Variants in KIF13A observed in about 807,000 individuals in gnomAD.
KIF13A encodes kinesin family member 13A.
In KIF13A, 79 loss-of-function variants were observed where a neutral mutation model predicts 212.2. That is an observed-to-expected ratio of 0.37 (90% CI 0.31 to 0.45). The LOEUF (loss-of-function observed/expected upper bound fraction) is 0.45. Ranked by LOEUF, KIF13A falls within the 20% of genes least tolerant of loss-of-function variation. KIF13A has a pLI of 1.00. For missense variants in KIF13A, 1,901 were observed against 2,209.0 expected, an observed-to-expected ratio of 0.86 and a Z score of 2.79; for synonymous variants, 789 against 808.6, an observed-to-expected ratio of 0.98 and a Z score of 0.41.
intron 34 of KIF13A, among the ~76,000 whole-genome samples, chr6:17,775,439 T>G (rs1041006640): frequency 6.6e-6 from 1 of 152,208 alleles, no homozygotes; most frequent in Non-Finnish European, 1.5e-5. Flanking sequence ...AGAGTATATA[T>G]CTAAGGGATG....
chr6:17,772,362 T>C lies in KIF13A; in HGVS notation c.4325-303A>G, dbSNP rs1018959605. 3.9e-5 allele frequency among the ~76,000 whole-genome samples: 6 copies of C among 152,016 alleles called. No homozygotes were observed. The highest frequency in any genetic ancestry group is 1.2e-4 in the African/African-American group (5 of 41,378). ...GGGTTGAGGCTGCAGTGAGTTATAA[T>C]GGTGCCACTGCACTCCAGCCCGGGC... On this transcript the variant is annotated intron_variant, in intron 36 of 38. Coordinates refer to ENST00000259711, the MANE Select transcript of KIF13A (RefSeq NM_022113.6). This position sits in a 1 kb window ranked among gnomAD's most constrained non-coding sequence, Gnocchi z 4.8.
chr6:17,907,952 C>T (rs2150498862), intron 2 of KIF13A, among the ~76,000 whole-genome samples: 1 of 152,258 alleles, frequency 6.6e-6, no homozygotes, highest in South Asian at 2.1e-4. Context: ...ATGTAAGAGG[C>T]CACACCATCT....
chr6:17,987,369 C>A lies in KIF13A; in HGVS notation c.55+40G>T. The A allele has an allele frequency of 7.6e-7, 1 of 1,311,476 alleles. No individual in the cohort carries two copies. The highest frequency in any genetic ancestry group is 2.5e-5 in the Admixed American group (1 of 40,518). The allele number at this position is 1,311,476 out of a possible 1,614,324, so 81.2% of individuals were successfully genotyped here. The stretch of plus-strand genomic sequence containing the variant: ...CAGTTTCTAAAGTTGCCCCCGCCCT[C>A]AGCCCGAGCAGAAATAAAAAAGAGC... On this transcript the variant is annotated intron_variant, in intron 1 of 38. Coordinates refer to ENST00000259711, the MANE Select transcript of KIF13A (RefSeq NM_022113.6). This position sits in a 1 kb window ranked among gnomAD's most constrained non-coding sequence, Gnocchi z 7.7.
At position 17,789,975 on chromosome 6, in the gene KIF13A, A is replaced by G; in HGVS notation, c.3223-65T>C. On this transcript the variant is annotated intron_variant, in intron 25 of 38. Transcript: ENST00000259711. This position sits in a 1 kb window ranked among gnomAD's most constrained non-coding sequence, Gnocchi z 4.8. ...TTTTCAAACCACATACAGGGAAAAT[A>G]ATTATTTAAGCTTAACACACATTAA... 1 of 1,294,270 alleles carries G rather than the reference A, an allele frequency of 7.7e-7. No individual in the cohort carries two copies. Among genetic ancestry groups the G allele is most frequent in the Non-Finnish European group, 1.1e-6 (1 of 896,426 alleles). The allele number at this position is 1,294,270 out of a possible 1,614,324, so 80.2% of individuals were successfully genotyped here.
At chr6:17,958,697 A>G (rs1311133467) in intron 2 of KIF13A, among the ~76,000 whole-genome samples, 1 of 152,092 alleles carries the variant, frequency 6.6e-6, no homozygotes, top group East Asian at 1.9e-4. Context: ...ACAATGTGAT[A>G]TTTCAATTAT....
rs1421733461 is a variant in KIF13A, at chr6:17,787,595, G to A, written c.3361+181C>T. ...GAGGCCAGGAGTTAGAGGCTGCAGT[G>A]AGATATGATCCTGCCACTGCACTCC... On this transcript the variant is annotated intron_variant, in intron 27 of 38. Transcript: ENST00000259711. This position sits in a 1 kb window ranked among gnomAD's most constrained non-coding sequence, Gnocchi z 4.6. Among the ~76,000 whole-genome samples the A allele has an allele frequency of 6.6e-6, 1 of 152,158 alleles. No homozygotes were observed. Among genetic ancestry groups the A allele is most frequent in the African/African-American group, 2.4e-5 (1 of 41,428 alleles).
chr6:17,975,412 T>C (rs1404214113), intron 2 of KIF13A, among the ~76,000 whole-genome samples: 1 of 152,126 alleles, frequency 6.6e-6, no homozygotes, highest in East Asian at 1.9e-4. Flanking sequence ...TGGAGTTTTT[T>C]CCTTTTGGTG....
chr6:17,855,897 A>G lies in KIF13A; in HGVS notation c.313+133T>C. 1.5e-6 allele frequency: 1 copy of G among 669,936 alleles called. No individual in the cohort carries two copies. 41.5% of individuals were successfully genotyped at this position (669,936 alleles called of 1,614,324 possible). On this transcript the variant is annotated intron_variant, in intron 5 of 38. Transcript: ENST00000259711. This position sits in a 1 kb window ranked among gnomAD's most constrained non-coding sequence, Gnocchi z 4.1. ...GGGCTAATGTTTTTAGTTTTTATAA[A>G]GACGGGTCTTACTATGTTGCCCAGG...
chr6:17,876,431 T>A lies in KIF13A; in HGVS notation c.160-2994A>T, dbSNP rs183878772. On this transcript the variant is annotated intron_variant, in intron 3 of 38. Coordinates refer to ENST00000259711, the MANE Select transcript of KIF13A (RefSeq NM_022113.6). Reference sequence around the variant, plus strand: ...CTTGTTCTCTCCTTCATTTCCACCCTTCAAAATACGTCATACCCCTTAAGG... The same window carrying A: ...CTTGTTCTCTCCTTCATTTCCACCCATCAAAATACGTCATACCCCTTAAGG... 2.6e-4 allele frequency among the ~76,000 whole-genome samples: 40 copies of A among 152,282 alleles called. No individual in the cohort carries two copies. In the South Asian group the frequency reaches 5.4e-3, roughly 21 times the overall value.
intron 3 of KIF13A, among the ~76,000 whole-genome samples, chr6:17,879,523 G>A (rs779903232): frequency 5.3e-5 from 8 of 152,028 alleles, no homozygotes; most frequent in Non-Finnish European, 1.0e-4. Flanking sequence ...ATAAGGATTC[G>A]GTCACTAGAT....
intron 9 of KIF13A, among the ~76,000 whole-genome samples, chr6:17,841,154 C>T (rs1766467143): frequency 6.6e-6 from 1 of 151,522 alleles, no homozygotes; most frequent in African/African-American, 2.4e-5. Flanking sequence ...CTCGCTGCAG[C>T]CTCAACCTCC....
rs1759973131 is a variant in KIF13A, at chr6:17,776,275, A to AT, written c.4170+1001dup. Among the ~76,000 whole-genome samples the AT allele has an allele frequency of 6.6e-6, 1 of 151,816 alleles. No individual in the cohort carries two copies. The highest frequency in any genetic ancestry group is 6.6e-5 in the Admixed American group (1 of 15,230). On this transcript the variant is annotated intron_variant, in intron 34 of 38. Transcript: ENST00000259711. This position sits in a 1 kb window ranked among gnomAD's most constrained non-coding sequence, Gnocchi z 4.6. ...TCCTAATAGTAGCCCTCACTCTCTC[A>AT]TTTTTTCTACTGTCTAGTATTCTGC...
chr6:17,965,607 T>G (rs1455188937), intron 2 of KIF13A, among the ~76,000 whole-genome samples: 1 of 152,218 alleles, frequency 6.6e-6, no homozygotes, highest in East Asian at 1.9e-4. Flanking sequence ...ACAAAGCAAT[T>G]TAACTGTGCT....
At chr6:17,928,146 G>A (rs1395288553) in intron 2 of KIF13A, among the ~76,000 whole-genome samples, 1 of 152,190 alleles carries the variant, frequency 6.6e-6, no homozygotes, top group Non-Finnish European at 1.5e-5. Context: ...ACTGAAGTCT[G>A]TGAAGCTAGT....
Position 17,886,573 on chromosome 6 carries a change from T to C in KIF13A, c.159+11595A>G, listed in dbSNP as rs1250479482. Among the ~76,000 whole-genome samples, 1 of 152,172 alleles carries C rather than the reference T, an allele frequency of 6.6e-6. No homozygotes were observed. The highest frequency in any genetic ancestry group is 2.4e-5 in the African/African-American group (1 of 41,426). ...TTCTTCCTGGGGCCTATACTCCATG[T>C]GACCTGGTACTCCGTCAGTGGTACT... is the stretch of plus-strand genomic sequence containing the variant. On this transcript the variant is annotated intron_variant, in intron 3 of 38. Coordinates refer to ENST00000259711, the MANE Select transcript of KIF13A (RefSeq NM_022113.6). The surrounding 1 kb of genome is among the most constrained non-coding windows in gnomAD (Gnocchi z 5.6).
rs1191695179 is a variant in KIF13A, at chr6:17,963,286, C to T, written c.146+23768G>A. 3.3e-5 allele frequency among the ~76,000 whole-genome samples: 5 copies of T among 152,006 alleles called. No individual in the cohort carries two copies. The highest frequency in any genetic ancestry group is 7.2e-5 in the African/African-American group (3 of 41,390). ...TACAAAAATTAGCTGGGCATGGTGG[C>T]GGGCGCCTGTAGTCCCAGCTACTCG... On this transcript the variant is annotated intron_variant, in intron 2 of 38. Transcript: ENST00000259711. The surrounding 1 kb of genome is among the most constrained non-coding windows in gnomAD (Gnocchi z 4.1).
At position 17,849,941 on chromosome 6, in the gene KIF13A, T is replaced by A. The variant is rs777358498; in HGVS notation, c.717+382A>T. 8.5e-5 allele frequency among the ~76,000 whole-genome samples: 13 copies of A among 152,238 alleles called. No individual in the cohort carries two copies. The highest frequency in any genetic ancestry group is 1.6e-4 in the Non-Finnish European group (11 of 68,030). On this transcript the variant is annotated intron_variant, in intron 8 of 38. Transcript: ENST00000259711. This position sits in a 1 kb window ranked among gnomAD's most constrained non-coding sequence, Gnocchi z 5.7. ...GAAAGGATATATATTAAAAGCTGTA[T>A]GGTGATGTCATCACACTTGTTAGGG... is the stretch of plus-strand genomic sequence containing the variant.
At chr6:17,960,022 C>CAA (rs200745950) in intron 2 of KIF13A, among the ~76,000 whole-genome samples, 5 of 126,848 alleles carry the variant, frequency 3.9e-5, no homozygotes, top group South Asian at 2.7e-4. Context: ...AACTCCACCT[C>CAA]AAAAAAAAAA....
intron 2 of KIF13A, among the ~76,000 whole-genome samples, chr6:17,916,279 C>T (rs1262502545): frequency 2.0e-5 from 3 of 152,146 alleles, no homozygotes; most frequent in East Asian, 3.8e-4. Flanking sequence ...ATCCAAGGAC[C>T]CATTTTAAAT....
Sources: gnomAD v4.1 joint callset for allele counts (sites outside exome capture counted in the v4.1 genomes callset) on GRCh38, gnomAD v4.1.1 for gene constraint, Gnocchi (gnomAD v3.1) non-coding constraint, MANE v1.5 for transcripts, NCBI Gene and HGNC (gene_info 2026-07-23, HGNC 2026-07-21) for gene names.